PRKD1: variants seen among roughly 807,000 people sequenced by gnomAD.
PRKD1 encodes the protein protein kinase D1.
In PRKD1, 63 loss-of-function variants were observed where a neutral mutation model predicts 95.9. The ratio of observed to expected loss-of-function variants is 0.66; its 90% CI spans 0.54 to 0.81. PRKD1 has a LOEUF of 0.81. PRKD1 is among the 30% of genes least tolerant of loss of function. The probability of loss-of-function intolerance (pLI) is 0.00; values close to 1 mark genes in which losing one functional copy is unlikely to be tolerated. For missense variants in PRKD1, 1,048 were observed against 1,165.3 expected, an observed-to-expected ratio of 0.90 and a Z score of 1.47; for synonymous variants, 425 against 423.1, an observed-to-expected ratio of 1.00 and a Z score of -0.05.
chr14:29,832,388 A>G (rs1383830233), intron 1 of PRKD1, among the ~76,000 whole-genome samples: 1 of 152,142 alleles, frequency 6.6e-6, no homozygotes, highest in Admixed American at 6.5e-5. Flanking sequence ...GCATTTCTCC[A>G]TTGACATGTT....
intron 1 of PRKD1, among the ~76,000 whole-genome samples, chr14:29,900,941 G>C (rs114958104): frequency 6.6e-6 from 1 of 152,054 alleles, no homozygotes; most frequent in Non-Finnish European, 1.5e-5. Flanking sequence ...GAGATTTCTC[G>C]AAGAACTTAA....
chr14:29,728,558 T>C (rs1043893582), intron 1 of PRKD1, among the ~76,000 whole-genome samples: 8 of 152,212 alleles, frequency 5.3e-5, no homozygotes, highest in Non-Finnish European at 7.4e-5. Flanking sequence ...GCTGGCTTTT[T>C]TGGCTTATTA....
Position 29,599,134 on chromosome 14 carries a change from A to T in PRKD1, c.2068-9T>A, listed in dbSNP as rs1893418878. ...CGCAAAGCCACGAGTATCTGTAAAG[A>T]AGAATCACCAAAATTTCATTCCAGT... On this transcript the variant is annotated splice_polypyrimidine_tract_variant and intron_variant, in intron 14 of 17. Coordinates refer to ENST00000331968, the MANE Select transcript of PRKD1 (RefSeq NM_002742.3). 2 of 1,604,034 alleles carry T rather than the reference A, an allele frequency of 1.2e-6. No homozygotes were observed. The highest frequency in any genetic ancestry group is 4.5e-5 in the East Asian group (2 of 44,782).
intron 1 of PRKD1, 97 bp from the exon 2 acceptor site, chr14:29,725,771 GTT>G: frequency 7.9e-7 from 1 of 1,264,608 alleles, no homozygotes; most frequent in Non-Finnish European, 1.1e-6. Context: ...AATTAGAAAA[GTT>G]CAAAGTATCT....
chr14:29,578,308 A>C lies in PRKD1; in HGVS notation c.2487T>G (p.Ser829Arg). ...AAGGGTGGCTCAAGGTCTTATCCACACTGTAGCGCTTTCTCATTTTTACTT... is the reference window on the plus strand; with the variant it reads ...AAGGGTGGCTCAAGGTCTTATCCACCCTGTAGCGCTTTCTCATTTTTACTT... ...LLQVKMRKRY[S>R]VDKTLSHPWL... The change falls in exon 17 of 18, where the codon AGT becomes AGG. Residue 829 changes from serine to arginine, a missense_variant. Ser to Arg is a moderately radical substitution (Grantham distance 110). This residue lies in a region of PRKD1 where 739 missense variants were observed against 861.9 expected (regional missense o/e 0.86). Transcript: ENST00000331968. The C allele has an allele frequency of 1.9e-6, 3 of 1,610,478 alleles. No homozygotes were observed. The highest frequency in any genetic ancestry group is 2.5e-6 in the Non-Finnish European group (3 of 1,178,658).
At chr14:29,688,196 C>G (rs183422026) in intron 2 of PRKD1, among the ~76,000 whole-genome samples, 255 of 152,336 alleles carry the variant, frequency 1.7e-3, no homozygotes, top group Admixed American at 4.2e-3. Flanking sequence ...TATGGTCCCT[C>G]TGATTCTCTC....
chr14:29,588,545 C>G (rs1180870668), intron 16 of PRKD1, among the ~76,000 whole-genome samples: 1 of 152,024 alleles, frequency 6.6e-6, no homozygotes, highest in African/African-American at 2.4e-5. Flanking sequence ...ACCGTGTATT[C>G]TATATTGTAT....
chr14:29,598,495 A>G (rs1893396913), intron 15 of PRKD1, among the ~76,000 whole-genome samples: 1 of 152,092 alleles, frequency 6.6e-6, no homozygotes, highest in African/African-American at 2.4e-5. Flanking sequence ...AAGATGAAGG[A>G]TAAGTACAGA....
At chr14:29,602,353 G>A (rs1419709817) in intron 13 of PRKD1, among the ~76,000 whole-genome samples, 1 of 151,828 alleles carries the variant, frequency 6.6e-6, no homozygotes, top group African/African-American at 2.4e-5. Context: ...GGGGAGAGAC[G>A]CAATGACTGG....
intron 13 of PRKD1, among the ~76,000 whole-genome samples, chr14:29,611,757 A>AC (rs1053439813): frequency 6.6e-5 from 10 of 151,880 alleles, no homozygotes; most frequent in African/African-American, 2.4e-4. Flanking sequence ...AAAAAAAAAA[A>AC]AAACAAACGC....
intron 16 of PRKD1, among the ~76,000 whole-genome samples, chr14:29,595,491 C>T (rs1324765955): frequency 6.6e-6 from 1 of 152,152 alleles, no homozygotes. Context: ...ATGTTCTGTC[C>T]TCTACTTTTG....
chr14:29,609,186 C>A (rs1047896848), intron 13 of PRKD1, among the ~76,000 whole-genome samples: 4 of 152,002 alleles, frequency 2.6e-5, no homozygotes, highest in Admixed American at 6.6e-5. Flanking sequence ...TTTTGTTGTG[C>A]CACTAATTAG....
At chr14:29,878,511 T>G (rs1893387763) in intron 1 of PRKD1, among the ~76,000 whole-genome samples, 1 of 152,092 alleles carries the variant, frequency 6.6e-6, no homozygotes, top group South Asian at 2.1e-4. Context: ...ACAACCAAAA[T>G]GTTCACAGAT....
chr14:29,884,661 T>C (rs1212882178), intron 1 of PRKD1, among the ~76,000 whole-genome samples: 3 of 152,190 alleles, frequency 2.0e-5, no homozygotes, highest in Admixed American at 6.5e-5. Context: ...AATGTCAACA[T>C]ATCATGGACT....
At chr14:29,900,941 G>A (rs114958104) in intron 1 of PRKD1, among the ~76,000 whole-genome samples, 9,886 of 152,166 alleles carry the variant, frequency 0.065, 395 homozygotes, top group South Asian at 0.11. Flanking sequence ...GAGATTTCTC[G>A]AAGAACTTAA....
rs370424130 is a variant in PRKD1 at position 29,577,419 on chromosome 14, C to T, written c.2558G>A (p.Cys853Tyr). 1.9e-6 allele frequency: 3 copies of T among 1,613,792 alleles called. No individual in the cohort carries two copies. The highest frequency in any genetic ancestry group is 1.3e-5 in the African/African-American group (1 of 75,012). Reference sequence around the variant, plus strand: ...GGTGATGTAGCGCTCCCCGATTTTGCATTCCAGCTCTCGCAAATCTAACCA... The same window carrying T: ...GGTGATGTAGCGCTCCCCGATTTTGTATTCCAGCTCTCGCAAATCTAACCA... ...QTWLDLRELE[C>Y]KIGERYITHE... The change falls in exon 18 of 18, where the codon TGC becomes TAC. Residue 853 changes from cysteine to tyrosine, a missense_variant. Physicochemically the swap from Cys to Tyr is radical, Grantham distance 194 (BLOSUM62 -2). Around this residue, in one of 3 missense-constraint regions of PRKD1, gnomAD observed 739 missense variants for 861.9 expected, o/e 0.86. Coordinates refer to ENST00000331968, the MANE Select transcript of PRKD1 (RefSeq NM_002742.3).
At chr14:29,673,293 T>C (rs1882971228) in intron 2 of PRKD1, among the ~76,000 whole-genome samples, 1 of 152,362 alleles carries the variant, frequency 6.6e-6, no homozygotes, top group Non-Finnish European at 1.5e-5. Flanking sequence ...TTATGCCATC[T>C]ACCTCCATAC....
chr14:29,879,537 T>C (rs1437063440), intron 1 of PRKD1, among the ~76,000 whole-genome samples: 2 of 152,174 alleles, frequency 1.3e-5, no homozygotes, highest in African/African-American at 2.4e-5. Context: ...TATGTCTTTA[T>C]CAGCAGCATG....
At chr14:29,686,461 C>T (rs2139284085) in intron 2 of PRKD1, among the ~76,000 whole-genome samples, 1 of 152,336 alleles carries the variant, frequency 6.6e-6, no homozygotes, top group South Asian at 2.1e-4. Context: ...CAGGGTGCTC[C>T]AGGTACCCAG....
Sources: gnomAD v4.1 joint callset for allele counts (sites outside exome capture counted in the v4.1 genomes callset) on GRCh38, gnomAD v4.1.1 for gene constraint, gnomAD v4.1.1 regional missense constraint, MANE v1.5 for transcripts, NCBI Gene and HGNC (gene_info 2026-07-23, HGNC 2026-07-21) for gene names.